The following TMOD4 variants were observed in gnomAD, a reference collection of about 807,000 sequenced individuals.
TMOD4 encodes the protein tropomodulin-4.
In TMOD4, 34 loss-of-function variants were observed where a neutral mutation model predicts 45.4. The observed-to-expected ratio is 0.75, with a 90% CI of 0.57 to 1.00. The LOEUF (loss-of-function observed/expected upper bound fraction) is 1.00, where lower values mean the gene tolerates loss of function less well. Among genes scored for constraint, TMOD4 ranks in the 50% least tolerant of loss-of-function variants. The pLI is 0.00. For missense variants in TMOD4, 399 were observed against 437.5 expected, an observed-to-expected ratio of 0.91 and a Z score of 0.78; for synonymous variants, 131 against 153.9, an observed-to-expected ratio of 0.85 and a Z score of 1.10.
At chr1:151,171,173 G>GACTC in intron 7 of TMOD4, 110 bp from the exon 8 acceptor site, 1 of 1,288,782 alleles carries the variant, frequency 7.8e-7, no homozygotes, top group South Asian at 1.3e-5. Flanking sequence ...AGTCTTTCAG[G>GACTC]TGCTGTAAAT....
At position 151,173,884 on chromosome 1, in the gene TMOD4, C is replaced by G. The variant is rs587622087; in HGVS notation, c.281-269G>C. Among the ~76,000 whole-genome samples, 542 of 152,182 alleles carry G rather than the reference C, an allele frequency of 3.6e-3. 4 individuals carry two copies. The highest frequency in any genetic ancestry group is 0.01 in the Middle Eastern group (3 of 294). On this transcript the variant is annotated intron_variant, in intron 3 of 9. Coordinates refer to ENST00000295314, the MANE Select transcript of TMOD4 (RefSeq NM_013353.3). ...ATGAGGTCAGGAGATCGAGACCATC[C>G]TGGCTAACATGGTGAAACCCCATCT...
chr1:151,171,567 G>A, intron 6 of TMOD4, 27 bp from the exon 7 acceptor site: 1 of 1,614,100 alleles, frequency 6.2e-7, no homozygotes. Context: ...GGAGATGGTG[G>A]GCTAAGGGAC....
chr1:151,171,476 C>T lies in TMOD4; in HGVS notation c.683G>A (p.Ser228Asn), dbSNP rs1018352182. ...ACTCCTCGTGGCTACCAGACTGAAGCTCCGCACATAGGTATTTGCCTTCAT... is the reference window on the plus strand; with the variant it reads ...ACTCCTCGTGGCTACCAGACTGAAGTTCCGCACATAGGTATTTGCCTTCAT... ...EAMKANTYVR[S>N]FSLVATRSGD... Residue 228 changes from serine to asparagine, a missense_variant, in exon 7 of 10, where the codon AGC (serine) becomes AAC (asparagine). Physicochemically the swap from Ser to Asn is conservative, Grantham distance 46. Coordinates refer to ENST00000295314, the MANE Select transcript of TMOD4 (RefSeq NM_013353.3). 6.2e-7 allele frequency: 1 copy of T among 1,614,152 alleles called. No homozygotes were observed. Among genetic ancestry groups the T allele is most frequent in the Non-Finnish European group, 8.5e-7 (1 of 1,180,020 alleles).
chr1:151,174,356 G>A lies in TMOD4; in HGVS notation c.280+35C>T, dbSNP rs587689487. On this transcript the variant is annotated intron_variant, in intron 3 of 9. Coordinates refer to ENST00000295314, the MANE Select transcript of TMOD4 (RefSeq NM_013353.3). ...GAGTGAGAGACAGCACAGCCACTTGGGTTCTACGAGGCATGGATGTCAGGG... is the reference window on the plus strand; with the variant it reads ...GAGTGAGAGACAGCACAGCCACTTGAGTTCTACGAGGCATGGATGTCAGGG... 13 of 1,604,242 alleles carry A rather than the reference G, an allele frequency of 8.1e-6. No individual in the cohort carries two copies. In the African/African-American group the frequency reaches 1.6e-4, roughly 20 times the overall value.
intron 7 of TMOD4, 96 bp from the exon 8 acceptor site, chr1:151,171,159 G>T: frequency 7.2e-7 from 1 of 1,386,492 alleles, no homozygotes; most frequent in Non-Finnish European, 1.0e-6. Context: ...AGCTCTTTGA[G>T]AAGAGTCTTT....
In TMOD4 at chr1:151,171,501, T is replaced by G. The variant is rs761140788; in HGVS notation, c.658A>C (p.Met220Leu). The G allele has an allele frequency of 1.2e-6, 2 of 1,614,160 alleles. No homozygotes were observed. Among genetic ancestry groups the G allele is most frequent in the Non-Finnish European group, 1.7e-6 (2 of 1,180,012 alleles). The change falls in exon 7 of 10, where the codon ATG becomes CTG. Residue 220 changes from methionine (M) to leucine (L), a missense_variant. Coordinates refer to ENST00000295314, the MANE Select transcript of TMOD4 (RefSeq NM_013353.3). ...CTCCGCACATAGGTATTTGCCTTCA[T>G]TGCCTCACACAGCTCACTTAGCATG... ...IPMLSELCEA[M>L]KANTYVRSFS...
Position 151,174,398 on chromosome 1 carries a change from C to G in TMOD4, c.273G>C (p.Glu91Asp). The G allele has an allele frequency of 6.2e-7, 1 of 1,614,062 alleles. No individual in the cohort carries two copies. The highest frequency in any genetic ancestry group is 8.5e-7 in the Non-Finnish European group (1 of 1,179,964). Residue 91 changes from glutamate to aspartate, a missense_variant, in exon 3 of 10, where the codon GAG (glutamate) becomes GAC (aspartate). Transcript: ENST00000295314. ...ATGTCAGGGTCCCCATACCCTTCTT[C>G]TCGCCTGTGAAGGGCACCAAGTCAT... ...ERDDLVPFTG[E>D]KKGKPYIQPK...
Position 151,174,299 on chromosome 1 carries a change from C to G in TMOD4, c.280+92G>C, listed in dbSNP as rs587665082. 4.9e-6 allele frequency: 7 copies of G among 1,422,008 alleles called. No individual in the cohort carries two copies. The South Asian group carries it at 7.8e-5, about 16-fold the overall frequency. 88.1% of individuals were successfully genotyped at this position (1,422,008 alleles called of 1,614,324 possible). A position where few individuals can be genotyped will look rare whatever the true frequency, so the allele number is the denominator to read the frequency against. On this transcript the variant is annotated intron_variant, in intron 3 of 9. Transcript: ENST00000295314. ...ATCTGAGTCCCTAGGCAACTAGGAGCTGGAAGGTGAGAGGGAAACTGGAGT... is the reference window on the plus strand; with the variant it reads ...ATCTGAGTCCCTAGGCAACTAGGAGGTGGAAGGTGAGAGGGAAACTGGAGT...
At chr1:151,174,696 C>T in intron 2 of TMOD4, 57 bp downstream of exon 2, 1 of 1,611,412 alleles carries the variant, frequency 6.2e-7, no homozygotes, top group Non-Finnish European at 8.5e-7. Context: ...ACCCAGAGCC[C>T]AACACCCTTC....
At position 151,174,688 on chromosome 1, in the gene TMOD4, C is replaced by G. The variant is rs1189367802; in HGVS notation, c.123+65G>C. ...TGTAGCAAACCCTATTCTCAGCCACCCAGAGCCCAACACCCTTCCCAAATG... is the reference window on the plus strand; with the variant it reads ...TGTAGCAAACCCTATTCTCAGCCACGCAGAGCCCAACACCCTTCCCAAATG... On this transcript the variant is annotated intron_variant, in intron 2 of 9. Transcript: ENST00000295314. 8 of 1,609,264 alleles carry G rather than the reference C, an allele frequency of 5.0e-6. No homozygotes were observed. In the South Asian group the frequency reaches 8.8e-5, roughly 18 times the overall value.
At position 151,172,158 on chromosome 1, in the gene TMOD4, T is replaced by C. The variant is rs1000857135; in HGVS notation, c.487+110A>G. ...ACTCCACAGGTTTTCTTATCACTCA[T>C]GCAGCATGTCCTCTCCCAGAATCAT... On this transcript the variant is annotated intron_variant, in intron 5 of 9. Transcript: ENST00000295314. The C allele has an allele frequency of 2.3e-5, 21 of 911,176 alleles. No homozygotes were observed. In the Admixed American group the frequency reaches 4.1e-4, roughly 18 times the overall value. The allele number at this position is 911,176 out of a possible 1,614,324, so 56.4% of individuals were successfully genotyped here.
intron 7 of TMOD4, 96 bp downstream of exon 7, chr1:151,171,337 T>G: frequency 8.5e-7 from 1 of 1,173,546 alleles, no homozygotes; most frequent in Non-Finnish European, 1.3e-6. Context: ...GAAGGCATGA[T>G]GAGAATAGCA....
intron 5 of TMOD4, among the ~76,000 whole-genome samples, chr1:151,172,016 T>C (rs779377028): frequency 1.3e-5 from 2 of 152,044 alleles, no homozygotes; most frequent in Non-Finnish European, 2.9e-5. Context: ...GTAGTTTTAG[T>C]AGAGACAAGG....
rs1572083712 is a variant in TMOD4, at chr1:151,171,682, A to T, written c.569T>A (p.Val190Asp). 1.9e-6 allele frequency: 3 copies of T among 1,613,486 alleles called. No individual in the cohort carries two copies. In the African/African-American group the frequency reaches 4.0e-5, roughly 22 times the overall value. Residue 190 changes from valine (V) to aspartate (D), a missense_variant, in exon 6 of 10, where the codon GTC (valine) becomes GAC (aspartate). Val to Asp is a radical substitution (Grantham distance 152). Transcript: ENST00000295314. ...PTNIEEILKR[V>D]RSNDKELEEV... ...CTCCAGCTCCTTGTCATTGCTTCGG[A>T]CCCTCTTTAGTATCTCCTCAATGTT... is the stretch of plus-strand genomic sequence containing the variant.
chr1:151,170,090 C>A lies in TMOD4; in HGVS notation c.1029G>T (p.Lys343Asn). 1 of 1,614,180 alleles carries A rather than the reference C, an allele frequency of 6.2e-7. No homozygotes were observed. Among genetic ancestry groups the A allele is most frequent in the Non-Finnish European group, 8.5e-7 (1 of 1,180,012 alleles). ...TRNNELRRQQ[K>N]KR The stretch of plus-strand genomic sequence containing the variant: ...AAAGGGAAATGCAGTGTTATCTCTT[C>A]TTTTGCTGGCGACCTGTAAAGGAGC... The change falls in exon 10 of 10, where the codon AAG (lysine) becomes AAT (asparagine). Residue 343 changes from lysine (K) to asparagine (N), a missense_variant. Transcript: ENST00000295314.
chr1:151,172,630 G>A (rs1683994006), intron 4 of TMOD4, among the ~76,000 whole-genome samples: 1 of 152,028 alleles, frequency 6.6e-6, no homozygotes, highest in South Asian at 2.1e-4. Flanking sequence ...CAGCCAGAAT[G>A]GTTCCACTTT....
intron 3 of TMOD4, 64 bp from the exon 4 acceptor site, chr1:151,173,679 T>A (rs1684021143): frequency 7.7e-7 from 1 of 1,306,134 alleles, no homozygotes. Context: ...GGCCTCCAGG[T>A]TTCCTTCCTC....
chr1:151,172,222 C>G, intron 5 of TMOD4, 46 bp downstream of exon 5: 1 of 1,468,868 alleles, frequency 6.8e-7, no homozygotes, highest in Non-Finnish European at 9.5e-7. Flanking sequence ...GACACTAGGA[C>G]TGCCTGCCCA....
At position 151,173,569 on chromosome 1, in the gene TMOD4, C is replaced by T; in HGVS notation, c.327G>A (p.Gln109=). The T allele has an allele frequency of 6.2e-7, 1 of 1,614,230 alleles. No individual in the cohort carries two copies. Among genetic ancestry groups the T allele is most frequent in the Non-Finnish European group, 8.5e-7 (1 of 1,180,040 alleles). ...QPKREIPAEE[Q]ITLEPELEEA... is the part of the protein sequence containing the mutation. Reference sequence around the variant, plus strand: ...CCTCCAGCTCAGGCTCCAGGGTGATCTGCTCCTCTGCTGGGATTTCCCTCT... The same window carrying T: ...CCTCCAGCTCAGGCTCCAGGGTGATTTGCTCCTCTGCTGGGATTTCCCTCT... Residue 109 remains glutamine, a synonymous_variant, in exon 4 of 10, where the codon CAG becomes CAA. Transcript: ENST00000295314.
Sources: gnomAD v4.1 joint callset for allele counts (sites outside exome capture counted in the v4.1 genomes callset) on GRCh38, gnomAD v4.1.1 for gene constraint, MANE v1.5 for transcripts, NCBI Gene and HGNC (gene_info 2026-07-23, HGNC 2026-07-21) for gene names.